CAPN9: variants seen among roughly 807,000 people sequenced by gnomAD.
The protein encoded by CAPN9 is calpain-9.
CAPN9 carries 81 observed loss-of-function variants against 92.8 expected under a neutral mutation model. The ratio of observed to expected loss-of-function variants is 0.87; its 90% confidence interval spans 0.73 to 1.05. The LOEUF is 1.05. Ranked by LOEUF, CAPN9 falls within the 50% of genes least tolerant of loss-of-function variation. The pLI, the probability that CAPN9 is intolerant of heterozygous loss-of-function variation, is 0.00. For missense variants in CAPN9, 848 were observed against 866.2 expected (o/e 0.98, Z 0.26); for synonymous variants, 304 against 328.0 (o/e 0.93, Z 0.79).
At chr1:230,759,312 T>A (rs905335717) in intron 2 of CAPN9, among the ~76,000 whole-genome samples, 200 bp from the exon 3 acceptor site, 1 of 152,192 alleles carries the variant, frequency 6.6e-6, no homozygotes, top group South Asian at 2.1e-4. Context: ...AACAGCTGTT[T>A]ATGATAGACG....
Position 230,797,852 on chromosome 1 carries a change from A to T in CAPN9, c.1988-310A>T, listed in dbSNP as rs28359738. ...TTTTTTTCTGGGGCCTATGGATTTC[A>T]AGGGCCCTGTACCCCCCAGAAGGTT... On this transcript the variant is annotated intron_variant, in intron 18 of 19. Transcript: ENST00000271971. Among the ~76,000 whole-genome samples the T allele has an allele frequency of 5.9e-4, 90 of 152,242 alleles. No individual in the cohort carries two copies. In the South Asian group the frequency reaches 0.018, roughly 31 times the overall value.
chr1:230,774,176 C>T (rs1164175040), intron 7 of CAPN9, among the ~76,000 whole-genome samples: 1 of 152,226 alleles, frequency 6.6e-6, no homozygotes, highest in Non-Finnish European at 1.5e-5. Flanking sequence ...AAGTACTGCT[C>T]CAGGTCACAT....
intron 19 of CAPN9, among the ~76,000 whole-genome samples, chr1:230,799,544 T>C (rs1668549862): frequency 6.6e-6 from 1 of 152,226 alleles, no homozygotes; most frequent in African/African-American, 2.4e-5. Context: ...TGTAATGGCT[T>C]AATTGATTAC....
At chr1:230,780,091 TG>T in intron 9 of CAPN9, 87 bp from the exon 10 acceptor site, 1 of 454,050 alleles carries the variant, frequency 2.2e-6, no homozygotes, top group Non-Finnish European at 3.8e-6. Context: ...CGTGTGTGTG[TG>T]TGTGTGTGTG....
At chr1:230,774,428 G>T in intron 7 of CAPN9, 126 bp from the exon 8 acceptor site, 1 of 677,474 alleles carries the variant, frequency 1.5e-6, no homozygotes, top group Middle Eastern at 3.7e-4. Flanking sequence ...GCATTTTTGG[G>T]ACCCAGTGAG....
chr1:230,800,236 A>G (rs1483494729), intron 19 of CAPN9, among the ~76,000 whole-genome samples: 3 of 51,130 alleles, frequency 5.9e-5, no homozygotes, highest in African/African-American at 2.5e-4. Flanking sequence ...AGAAAGAAGA[A>G]AGAAAGAAAG....
chr1:230,753,500 A>G (rs1014630092), intron 1 of CAPN9, among the ~76,000 whole-genome samples: 2 of 152,212 alleles, frequency 1.3e-5, no homozygotes, highest in African/African-American at 4.8e-5. Flanking sequence ...TTGACTTCAA[A>G]GAAATCTCTG....
intron 19 of CAPN9, among the ~76,000 whole-genome samples, chr1:230,800,683 C>T (rs1235108127): frequency 6.6e-6 from 1 of 152,194 alleles, no homozygotes; most frequent in African/African-American, 2.4e-5. Flanking sequence ...TGCATGTTAG[C>T]ATCACCTGGG....
intron 17 of CAPN9, among the ~76,000 whole-genome samples, chr1:230,793,528 G>A (rs191536332): frequency 6.6e-6 from 1 of 152,316 alleles, no homozygotes; most frequent in East Asian, 1.9e-4. Context: ...GCATCTCTGT[G>A]GTCCCATGTC....
At chr1:230,796,792 C>T (rs1319860797) in intron 18 of CAPN9, among the ~76,000 whole-genome samples, 1 of 152,124 alleles carries the variant, frequency 6.6e-6, no homozygotes, top group Non-Finnish European at 1.5e-5. Context: ...TCTAAACCAC[C>T]CAGGTGTAAT....
chr1:230,777,834 G>C (rs1292868180), intron 8 of CAPN9, among the ~76,000 whole-genome samples: 1 of 152,070 alleles, frequency 6.6e-6, no homozygotes, highest in African/African-American at 2.4e-5. Flanking sequence ...TCAACATCCT[G>C]TCCTGGCCCC....
chr1:230,784,291 C>A (rs374895582), intron 11 of CAPN9, among the ~76,000 whole-genome samples: 1 of 152,286 alleles, frequency 6.6e-6, no homozygotes, highest in African/African-American at 2.4e-5. Context: ...ATGGAGCAAC[C>A]ACTTGCTAGA....
chr1:230,754,639 CA>C (rs58791351), intron 1 of CAPN9, among the ~76,000 whole-genome samples: 24,356 of 124,208 alleles, frequency 0.2, 2,181 homozygotes, highest in Non-Finnish European at 0.21. Flanking sequence ...CCCATCTCCA[CA>C]AAAAAAAAAA....
intron 2 of CAPN9, among the ~76,000 whole-genome samples, chr1:230,757,213 A>G (rs969198658): frequency 1.3e-5 from 2 of 152,194 alleles, no homozygotes; most frequent in Middle Eastern, 3.4e-3. Flanking sequence ...TCCCCCATGT[A>G]TGCCATATTC....
chr1:230,783,132 T>C (rs1667340813), intron 11 of CAPN9, among the ~76,000 whole-genome samples: 1 of 152,224 alleles, frequency 6.6e-6, no homozygotes, highest in Non-Finnish European at 1.5e-5. Flanking sequence ...ATGTATCTCC[T>C]TTGAAGATGC....
At chr1:230,791,766 C>A in intron 14 of CAPN9, 98 bp from the exon 15 acceptor site, 2 of 854,140 alleles carry the variant, frequency 2.3e-6, no homozygotes, top group Non-Finnish European at 2.0e-6. Context: ...CAGCCCCCAA[C>A]AGCCCTGGAT....
Position 230,794,843 on chromosome 1 carries a change from A to T in CAPN9, c.1871-320A>T, listed in dbSNP as rs111933933. The stretch of plus-strand genomic sequence containing the variant: ...GTTCCCCCAAACAAAGCTTCCTGTA[A>T]AGTCAGCGAGACTCTATGGGTGATG... On this transcript the variant is annotated intron_variant, in intron 17 of 19. Transcript: ENST00000271971. Among the ~76,000 whole-genome samples the T allele has an allele frequency of 4.6e-4, 70 of 152,326 alleles. 2 individuals carry two copies. Among genetic ancestry groups the T allele is most frequent in the African/African-American group, 1.6e-3 (67 of 41,562 alleles).
chr1:230,775,131 T>C (rs1468153485), intron 8 of CAPN9, among the ~76,000 whole-genome samples: 1 of 152,184 alleles, frequency 6.6e-6, no homozygotes, highest in African/African-American at 2.4e-5. Flanking sequence ...CCCTCCTGTC[T>C]TGGTGGGGGC....
chr1:230,798,338 G>A lies in CAPN9; in HGVS notation c.2046+118G>A, dbSNP rs566295720. ...CAAGGGCTGACATCTAGCTGTGGGA[G>A]TGATTATAACAAAATAGCTAATATT... On this transcript the variant is annotated intron_variant, in intron 19 of 19. Coordinates refer to ENST00000271971, the MANE Select transcript of CAPN9 (RefSeq NM_006615.3). 3.4e-5 allele frequency: 24 copies of A among 700,658 alleles called. No homozygotes were observed. In the South Asian group the frequency reaches 4.1e-4, roughly 12 times the overall value. The allele number at this position is 700,658 out of a possible 1,614,324, so 43.4% of individuals were successfully genotyped here. A position where few individuals can be genotyped will look rare whatever the true frequency, so the allele number is the denominator to read the frequency against.
Sources: gnomAD v4.1 joint callset for allele counts (sites outside exome capture counted in the v4.1 genomes callset) on GRCh38, gnomAD v4.1.1 for gene constraint, MANE v1.5 for transcripts, NCBI Gene and HGNC (gene_info 2026-07-23, HGNC 2026-07-21) for gene names.